Variants in MYBPC1 observed in about 807,000 individuals in gnomAD.
MYBPC1 encodes the protein myosin binding protein C1.
MYBPC1 carries 52 observed loss-of-function variants against 147.1 expected under a neutral mutation model. The ratio of observed to expected loss-of-function variants is 0.35; its 90% CI spans 0.28 to 0.45. The LOEUF (loss-of-function observed/expected upper bound fraction) is 0.45, where lower values mean the gene tolerates loss of function less well. Among genes scored for constraint, MYBPC1 ranks in the 20% least tolerant of loss-of-function variants. MYBPC1 has a pLI of 1.00. For synonymous variants in MYBPC1, 477 were observed against 475.9 expected (o/e 1.00, Z -0.03); for missense variants, 1,228 against 1,440.3 (o/e 0.85, Z 2.39).
chr12:101,604,456 G>T (rs1380186369), intron 1 of MYBPC1, among the ~76,000 whole-genome samples: 1 of 152,126 alleles, frequency 6.6e-6, no homozygotes, highest in Non-Finnish European at 1.5e-5. Flanking sequence ...AATAAATATG[G>T]ATTAAATTGA....
chr12:101,637,862 G>A (rs1891302582), intron 10 of MYBPC1, among the ~76,000 whole-genome samples: 1 of 152,134 alleles, frequency 6.6e-6, no homozygotes, highest in Non-Finnish European at 1.5e-5. Context: ...TAATTCCTGA[G>A]GGCTATTAGC....
At position 101,685,837 on chromosome 12, in the gene MYBPC1, G is replaced by C; in HGVS notation, c.*275G>C. The C allele has an allele frequency of 3.5e-6, 2 of 570,276 alleles. No homozygotes were observed. Among genetic ancestry groups the C allele is most frequent in the Non-Finnish European group, 5.9e-6 (2 of 341,388 alleles). 35.3% of individuals were successfully genotyped at this position (570,276 alleles called of 1,614,324 possible). ...AAAAAAAAAAAAAAAAGTTTGCCCA[G>C]ATTGCTTAATTAAAAATTGCAAACA... On this transcript the variant is annotated 3_prime_UTR_variant, in exon 32 of 32. Transcript: ENST00000361466.
chr12:101,634,555 A>G lies in MYBPC1; in HGVS notation c.558A>G (p.Glu186=), dbSNP rs373900994. 1 of 1,612,364 alleles carries G rather than the reference A, an allele frequency of 6.2e-7. No individual in the cohort carries two copies. The highest frequency in any genetic ancestry group is 2.2e-5 in the East Asian group (1 of 44,848). The change falls in exon 9 of 32, where the codon GAA becomes GAG. Residue 186 remains glutamate, a splice_region_variant and synonymous_variant. Transcript: ENST00000361466. ...DSCSFDLEVH[E]STGTTPNIDI... ...TTATTGTTTTCTTTCCTTTCAAAGAATCTACTGGGACTACTCCAAACATTG... is the reference window on the plus strand; with the variant it reads ...TTATTGTTTTCTTTCCTTTCAAAGAGTCTACTGGGACTACTCCAAACATTG...
chr12:101,685,639 C>T lies in MYBPC1; in HGVS notation c.*77C>T, dbSNP rs1174613814. 29 of 1,534,638 alleles carry T rather than the reference C, an allele frequency of 1.9e-5. No homozygotes were observed. Among genetic ancestry groups the T allele is most frequent in the South Asian group, 2.4e-5 (2 of 83,990 alleles). On this transcript the variant is annotated 3_prime_UTR_variant, in exon 32 of 32. Coordinates refer to ENST00000361466, the MANE Select transcript of MYBPC1 (RefSeq NM_002465.4). Reference sequence around the variant, plus strand: ...GGCGTACCTCCAAACATAATTGATTCGTATCTGCGAGACTTACACTCAAGC... The same window carrying T: ...GGCGTACCTCCAAACATAATTGATTTGTATCTGCGAGACTTACACTCAAGC...
chr12:101,613,761 G>GA (rs1216452516), intron 1 of MYBPC1, among the ~76,000 whole-genome samples: 21 of 152,170 alleles, frequency 1.4e-4, no homozygotes, highest in Non-Finnish European at 2.8e-4. Flanking sequence ...CCAGAGCCTG[G>GA]AAAATTTTGG....
intron 3 of MYBPC1, among the ~76,000 whole-genome samples, chr12:101,624,948 G>A (rs1293625850): frequency 6.6e-6 from 1 of 152,156 alleles, no homozygotes; most frequent in East Asian, 1.9e-4. Context: ...GGGATGGGTA[G>A]TGTTTCTTGC....
At chr12:101,672,086 T>C (rs1389318194) in intron 24 of MYBPC1, among the ~76,000 whole-genome samples, 3 of 152,168 alleles carry the variant, frequency 2.0e-5, no homozygotes, top group Non-Finnish European at 4.4e-5. Context: ...TTTTTTCCAC[T>C]CTGTATATTA....
chr12:101,670,550 A>C (rs537445701), intron 24 of MYBPC1, 141 bp downstream of exon 24: 1 of 774,356 alleles, frequency 1.3e-6, no homozygotes, highest in Admixed American at 2.0e-5. Context: ...ATGAAAGAGT[A>C]TTGGAGAATG....
At chr12:101,626,617 T>A (rs963184604) in intron 3 of MYBPC1, among the ~76,000 whole-genome samples, 2 of 152,212 alleles carry the variant, frequency 1.3e-5, no homozygotes, top group Admixed American at 6.5e-5. Flanking sequence ...ACATAAAAAA[T>A]TTGCAGTGTT....
At chr12:101,631,245 T>C (rs147647486) in intron 6 of MYBPC1, among the ~76,000 whole-genome samples, 1 of 152,318 alleles carries the variant, frequency 6.6e-6, no homozygotes, top group Non-Finnish European at 1.5e-5. Context: ...GCAATAAAAG[T>C]TCACATATAT....
the MYBPC1 span, among the ~76,000 whole-genome samples, chr12:101,694,065 A>G: frequency 6.6e-6 from 1 of 152,218 alleles, no homozygotes; most frequent in Admixed American, 6.5e-5. Context: ...GACACCATCG[A>G]GCTGCCATGT....
At chr12:101,642,781 A>G (rs1193037481) in intron 11 of MYBPC1, among the ~76,000 whole-genome samples, 196 bp downstream of exon 11, 5 of 152,192 alleles carry the variant, frequency 3.3e-5, no homozygotes, top group Admixed American at 3.3e-4. Flanking sequence ...TGGTCCACAT[A>G]CAACGTAGAA....
chr12:101,664,454 A>AACTCTT (rs1205922528), intron 22 of MYBPC1: 2 of 152,222 alleles, frequency 1.3e-5, no homozygotes, highest in Non-Finnish European at 1.5e-5. Context: ...CCTCCAGGAA[A>AACTCTT]ACTCTTTGGA....
chr12:101,694,978 T>C, the MYBPC1 span, among the ~76,000 whole-genome samples: 1 of 152,238 alleles, frequency 6.6e-6, no homozygotes, highest in Non-Finnish European at 1.5e-5. Flanking sequence ...CTTATACTTA[T>C]CTCCTAGGAT....
At chr12:101,673,088 G>A (rs529790395) in intron 24 of MYBPC1, among the ~76,000 whole-genome samples, 156 of 152,276 alleles carry the variant, frequency 1.0e-3, no homozygotes, top group Non-Finnish European at 1.0e-3. Flanking sequence ...GCAGGCTTTT[G>A]GAGACTAGGA....
At chr12:101,644,452 A>G (rs545027480) in intron 11 of MYBPC1, among the ~76,000 whole-genome samples, 1 of 152,368 alleles carries the variant, frequency 6.6e-6, no homozygotes, top group Non-Finnish European at 1.5e-5. Context: ...TCTTCTAGAA[A>G]CATGTGGATT....
At chr12:101,673,363 T>A in intron 24 of MYBPC1, 64 bp from the exon 25 acceptor site, 1 of 1,553,318 alleles carries the variant, frequency 6.4e-7, no homozygotes, top group Non-Finnish European at 8.9e-7. Context: ...CTTCTCATAA[T>A]GCTGAAGAAA....
Position 101,652,718 on chromosome 12 carries a change from G to A in MYBPC1, c.1567G>A (p.Glu523Lys). ...GATAGCCAATGCCCTCACTGAAGAT[G>A]AAGGTGATTATGTATTTGCACCTGA... ...LVIANALTED[E>K]GDYVFAPDAY... Residue 523 changes from glutamate to lysine, a missense_variant, in exon 17 of 32, where the codon GAA becomes AAA. Physicochemically the swap from Glu to Lys is moderately conservative, Grantham distance 56. Coordinates refer to ENST00000361466, the MANE Select transcript of MYBPC1 (RefSeq NM_002465.4). 1 of 1,614,030 alleles carries A rather than the reference G, an allele frequency of 6.2e-7. No homozygotes were observed. The highest frequency in any genetic ancestry group is 8.5e-7 in the Non-Finnish European group (1 of 1,179,918).
chr12:101,631,908 C>T, intron 7 of MYBPC1, 113 bp from the exon 8 acceptor site: 1 of 1,282,536 alleles, frequency 7.8e-7, no homozygotes. Context: ...ATTTGCCCTC[C>T]TATAGTGAGA....
Sources: gnomAD v4.1 joint callset for allele counts (sites outside exome capture counted in the v4.1 genomes callset) on GRCh38, gnomAD v4.1.1 for gene constraint, MANE v1.5 for transcripts, NCBI Gene and HGNC (gene_info 2026-07-23, HGNC 2026-07-21) for gene names.